The following SEPTIN9 variants were observed in gnomAD, a reference collection of about 807,000 sequenced individuals.
SEPTIN9 encodes the protein septin-9.
Under a neutral mutation model 56.6 loss-of-function variants are expected in SEPTIN9, and 13 were observed. The observed-to-expected ratio is 0.23, with a 90% CI of 0.15 to 0.37. SEPTIN9 has a LOEUF of 0.37. SEPTIN9 is among the 10% of genes least tolerant of loss of function. The pLI is 1.00. For missense variants in SEPTIN9, 650 were observed against 823.1 expected (o/e 0.79, Z 2.57); for synonymous variants, 332 against 334.1 (o/e 0.99, Z 0.07).
Position 77,445,520 on chromosome 17 carries a change from A to C in SEPTIN9, c.722-36624A>C, listed in dbSNP as rs746516641. On this transcript the variant is annotated intron_variant, in intron 3 of 11. Coordinates refer to ENST00000427177, the MANE Select transcript of SEPTIN9 (RefSeq NM_001113491.2). The surrounding 1 kb of genome is among the most constrained non-coding windows in gnomAD (Gnocchi z 4.7). ...GAACTGGGGGTTGGTGCATGTGTGC[A>C]CGCACGTGTGTGTGTGTGTGCGTGC... 1 of 427,008 alleles carries C rather than the reference A, an allele frequency of 2.3e-6. No homozygotes were observed. The highest frequency in any genetic ancestry group is 3.5e-4 in the Middle Eastern group (1 of 2,818). The allele number at this position is 427,008 out of a possible 1,614,324, so 26.5% of individuals were successfully genotyped here.
chr17:77,471,208 C>T (rs1208866386), intron 3 of SEPTIN9, among the ~76,000 whole-genome samples: 3 of 152,186 alleles, frequency 2.0e-5, no homozygotes, highest in Non-Finnish European at 4.4e-5. Context: ...TGTCTTTCTC[C>T]CTCCTGAAGG....
chr17:77,389,679 C>T lies in SEPTIN9; in HGVS notation c.77-12380C>T, dbSNP rs2035462977. Among the ~76,000 whole-genome samples, 1 of 152,134 alleles carries T rather than the reference C, an allele frequency of 6.6e-6. No individual in the cohort carries two copies. The highest frequency in any genetic ancestry group is 2.1e-4 in the South Asian group (1 of 4,810). On this transcript the variant is annotated intron_variant, in intron 2 of 11. Coordinates refer to ENST00000427177, the MANE Select transcript of SEPTIN9 (RefSeq NM_001113491.2). The surrounding 1 kb of genome is among the most constrained non-coding windows in gnomAD (Gnocchi z 4.3). ...ACAGATCCGTCCCACCCTTCTGCTG[C>T]CTTCCACCAGGGACGGAGGGTGGGC...
intron 2 of SEPTIN9, among the ~76,000 whole-genome samples, chr17:77,361,639 CT>C (rs1414582082): frequency 4.4e-4 from 64 of 144,906 alleles, no homozygotes; most frequent in Non-Finnish European, 4.3e-4. Flanking sequence ...CTTTTCTTTT[CT>C]TTTTTTTTTT....
At chr17:77,493,639 C>T (rs1346452152) in intron 10 of SEPTIN9, among the ~76,000 whole-genome samples, 1 of 152,162 alleles carries the variant, frequency 6.6e-6, no homozygotes, top group Non-Finnish European at 1.5e-5. Context: ...CAGCCTCATC[C>T]ATGCCTTCCT....
chr17:77,394,141 T>C (rs60437362), intron 2 of SEPTIN9, among the ~76,000 whole-genome samples: 9,665 of 152,228 alleles, frequency 0.063, 1,027 homozygotes, highest in African/African-American at 0.22. Context: ...AAGGAGCCTT[T>C]GCAACTGGAC....
At chr17:77,482,064 G>C in intron 3 of SEPTIN9, 80 bp from the exon 4 acceptor site, 1 of 1,359,520 alleles carries the variant, frequency 7.4e-7, no homozygotes. Context: ...CCCATCCAAG[G>C]ATGGGTGTGA....
At chr17:77,472,242 A>G (rs976742764) in intron 3 of SEPTIN9, among the ~76,000 whole-genome samples, 1 of 152,112 alleles carries the variant, frequency 6.6e-6, no homozygotes, top group African/African-American at 2.4e-5. Flanking sequence ...TCCAAATTTG[A>G]CTTTACCGAC....
intron 2 of SEPTIN9, among the ~76,000 whole-genome samples, chr17:77,331,632 C>T (rs1486105285): frequency 6.6e-6 from 1 of 152,220 alleles, no homozygotes; most frequent in Non-Finnish European, 1.5e-5. Flanking sequence ...GCGGGGTTTG[C>T]ATTTTCACTG....
intron 3 of SEPTIN9, among the ~76,000 whole-genome samples, chr17:77,479,710 C>T (rs928274558): frequency 3.8e-4 from 54 of 142,524 alleles, no homozygotes; most frequent in African/African-American, 1.3e-3. Flanking sequence ...GCGTTGGGGG[C>T]GAGAAAGGAG....
chr17:77,473,957 T>C (rs1473626824), intron 3 of SEPTIN9, among the ~76,000 whole-genome samples: 1 of 152,234 alleles, frequency 6.6e-6, no homozygotes, highest in Non-Finnish European at 1.5e-5. Context: ...TTCTCTGAGG[T>C]CTGCTCACCT....
chr17:77,346,815 G>T (rs1278674792), intron 2 of SEPTIN9, among the ~76,000 whole-genome samples: 1 of 152,106 alleles, frequency 6.6e-6, no homozygotes, highest in Non-Finnish European at 1.5e-5. Flanking sequence ...TTAATCTCTG[G>T]TGCAGTGGTG....
intron 2 of SEPTIN9, among the ~76,000 whole-genome samples, chr17:77,366,893 G>A (rs1213078839): frequency 6.6e-6 from 1 of 152,196 alleles, no homozygotes; most frequent in Admixed American, 6.5e-5. Flanking sequence ...GGGAGATCAT[G>A]AATTTAGAAC....
chr17:77,437,581 ACT>A lies in SEPTIN9; in HGVS notation c.721+34879_721+34880del, dbSNP rs2037387785. Among the ~76,000 whole-genome samples the A allele has an allele frequency of 6.6e-6, 1 of 151,812 alleles. No homozygotes were observed. Among genetic ancestry groups the A allele is most frequent in the African/African-American group, 2.4e-5 (1 of 41,314 alleles). On this transcript the variant is annotated intron_variant, in intron 3 of 11. Coordinates refer to ENST00000427177, the MANE Select transcript of SEPTIN9 (RefSeq NM_001113491.2). The surrounding 1 kb of genome is among the most constrained non-coding windows in gnomAD (Gnocchi z 5.3). ...TCAGGGACCAGGTGAGGGCTTGTCG[ACT>A]GCTCTGACCTCCTGATGCTTCTGGT...
intron 2 of SEPTIN9, among the ~76,000 whole-genome samples, chr17:77,334,871 G>T (rs1185837136): frequency 6.6e-6 from 1 of 152,112 alleles, no homozygotes; most frequent in Non-Finnish European, 1.5e-5. Flanking sequence ...TTCTAGCACC[G>T]TTTGTTGAAA....
intron 1 of SEPTIN9, among the ~76,000 whole-genome samples, chr17:77,289,014 G>A (rs2031408416): frequency 6.6e-6 from 1 of 152,240 alleles, no homozygotes; most frequent in African/African-American, 2.4e-5. Context: ...TTGGATAGCA[G>A]AGCCTTCCTG....
intron 1 of SEPTIN9, among the ~76,000 whole-genome samples, chr17:77,283,625 T>C (rs1756407775): frequency 6.6e-6 from 1 of 152,222 alleles, no homozygotes; most frequent in South Asian, 2.1e-4. Context: ...TTTTTTCATC[T>C]AGACTGTGCG....
At chr17:77,432,796 T>G (rs2037192915) in intron 3 of SEPTIN9, among the ~76,000 whole-genome samples, 1 of 152,258 alleles carries the variant, frequency 6.6e-6, no homozygotes, top group African/African-American at 2.4e-5. Flanking sequence ...ACGCTTTTTC[T>G]GGAAGCCATC....
At chr17:77,393,840 C>T (rs1384147000) in intron 2 of SEPTIN9, among the ~76,000 whole-genome samples, 2 of 152,170 alleles carry the variant, frequency 1.3e-5, no homozygotes, top group Non-Finnish European at 2.9e-5. Context: ...CCCACCTCAG[C>T]CTCCCAAAGT....
At chr17:77,372,516 C>T (rs988272735) in intron 2 of SEPTIN9, among the ~76,000 whole-genome samples, 4 of 152,364 alleles carry the variant, frequency 2.6e-5, no homozygotes, top group African/African-American at 9.6e-5. Flanking sequence ...CACTGCCTAG[C>T]TCCTTCCTTC....
Sources: allele counts gnomAD v4.1 joint callset (sites outside exome capture counted in the v4.1 genomes callset), GRCh38; gene constraint gnomAD v4.1.1; non-coding constraint Gnocchi (gnomAD v3.1); transcripts MANE v1.5; gene names NCBI Gene and HGNC (gene_info 2026-07-23, HGNC 2026-07-21).